The following PLCH2 variants were observed in gnomAD, a reference collection of about 807,000 sequenced individuals.
PLCH2 encodes phospholipase C eta 2.
PLCH2 carries 98 observed loss-of-function variants against 134.7 expected under a neutral mutation model. That is an observed-to-expected ratio of 0.73 (90% CI 0.62 to 0.86). PLCH2 has a LOEUF of 0.86. PLCH2 is among the 40% of genes least tolerant of loss of function. PLCH2 has a pLI of 0.00. For synonymous variants in PLCH2, 974 were observed against 827.5 expected (o/e 1.18, Z -3.04); for missense variants, 1,994 against 1,986.6 (o/e 1.00, Z -0.07).
chr1:2,454,928 A>C (rs2100567421), intron 2 of PLCH2, among the ~76,000 whole-genome samples: 1 of 151,994 alleles, frequency 6.6e-6, no homozygotes, highest in Middle Eastern at 3.4e-3. Flanking sequence ...AGTGTGCGTC[A>C]CCCCCAGAAA....
chr1:2,425,958 G>C (rs1355808112), upstream of PLCH2: 1 of 152,222 alleles, frequency 6.6e-6, no homozygotes, highest in African/African-American at 2.4e-5. Context: ...CCCGTCGCTC[G>C]AGAGCCTCCT....
chr1:2,485,974 C>T (rs530432132), intron 5 of PLCH2, among the ~76,000 whole-genome samples: 1 of 152,294 alleles, frequency 6.6e-6, no homozygotes, highest in East Asian at 1.9e-4. Context: ...GTCCTGCAGG[C>T]ATGACACCCG....
chr1:2,499,018 C>T, intron 18 of PLCH2, 66 bp from the exon 19 acceptor site: 1 of 1,548,748 alleles, frequency 6.5e-7, no homozygotes, highest in African/African-American at 1.4e-5. Context: ...GCCGGGGGCT[C>T]CAGGCTGGAG....
rs917254365 is a variant in PLCH2, at chr1:2,498,746, C to G, written c.2352C>G (p.Ile784Met). The change falls in exon 18 of 22, where the codon ATC (isoleucine) becomes ATG (methionine). Residue 784 changes from isoleucine (I) to methionine (M), a missense_variant and splice_region_variant. Physicochemically the swap from Ile to Met is conservative, Grantham distance 10. Transcript: ENST00000378486. This position sits in a 1 kb window ranked among gnomAD's most constrained non-coding sequence, Gnocchi z 5.4. ...CCACCCCCACTCCTGTGTCCCAGAT[C>G]ATCGACCCCTTTGTGGAGGTGGAGA... ...RDSMLGDRGE[I>M]IDPFVEVEII... 4 of 1,608,832 alleles carry G rather than the reference C, an allele frequency of 2.5e-6. No individual in the cohort carries two copies. The East Asian group carries it at 8.9e-5, about 36-fold the overall frequency.
intron 2 of PLCH2, among the ~76,000 whole-genome samples, chr1:2,442,449 C>T (rs1215711423): frequency 6.6e-6 from 1 of 152,242 alleles, no homozygotes; most frequent in Non-Finnish European, 1.5e-5. Flanking sequence ...CCCCTGGCCT[C>T]CTCCCTGGCT....
intron 2 of PLCH2, among the ~76,000 whole-genome samples, chr1:2,443,506 C>T (rs1310566809): frequency 6.6e-6 from 1 of 151,950 alleles, no homozygotes; most frequent in East Asian, 1.9e-4. Flanking sequence ...CGGAGGGAGG[C>T]GGAGGGGGAG....
chr1:2,439,674 C>T lies in PLCH2; in HGVS notation c.115+9045C>T, dbSNP rs950959600. Among the ~76,000 whole-genome samples, 17 of 152,186 alleles carry T rather than the reference C, an allele frequency of 1.1e-4. No individual in the cohort carries two copies. The highest frequency in any genetic ancestry group is 5.9e-5 in the Non-Finnish European group (4 of 68,038). ...CTGCAGAAGGGCCTCTGAGACCTCC[C>T]GCCCAGGTCTCTGGCCCTGAGCCAT... On this transcript the variant is annotated intron_variant, in intron 2 of 3. Transcript: ENST00000609981. This position sits in a 1 kb window ranked among gnomAD's most constrained non-coding sequence, Gnocchi z 4.7.
At chr1:2,436,268 C>T (rs1639353395) in intron 2 of PLCH2, among the ~76,000 whole-genome samples, 1 of 81,840 alleles carries the variant, frequency 1.2e-5, no homozygotes, top group Admixed American at 1.1e-4. Context: ...CCCTCCTCCT[C>T]CTTTCCTCCT....
At chr1:2,479,682 G>A in intron 2 of PLCH2, 52 bp from the exon 3 acceptor site, 1 of 1,500,544 alleles carries the variant, frequency 6.7e-7, no homozygotes, top group Non-Finnish European at 9.0e-7. Context: ...CTGCCAGCAG[G>A]GGGACGCTGG....
upstream of PLCH2, among the ~76,000 whole-genome samples, chr1:2,462,970 G>A (rs1640894116): frequency 6.6e-6 from 1 of 152,196 alleles, no homozygotes; most frequent in African/African-American, 2.4e-5. Context: ...AAGCAACACG[G>A]AATTCGCTTT....
Position 2,439,479 on chromosome 1 carries a change from G to A in PLCH2, c.115+8850G>A, listed in dbSNP as rs371166115. On this transcript the variant is annotated intron_variant, in intron 2 of 3. Transcript: ENST00000609981. The surrounding 1 kb of genome is among the most constrained non-coding windows in gnomAD (Gnocchi z 4.7). Reference sequence around the variant, plus strand: ...CTTGAGTTCTGATTGAGAACGGGACGTCTTCAGACCAGATGCTGGTGGAAA... The same window carrying A: ...CTTGAGTTCTGATTGAGAACGGGACATCTTCAGACCAGATGCTGGTGGAAA... Among the ~76,000 whole-genome samples the A allele has an allele frequency of 2.6e-5, 4 of 152,370 alleles. No homozygotes were observed. The highest frequency in any genetic ancestry group is 2.1e-4 in the South Asian group (1 of 4,832).
chr1:2,439,738 A>G lies in PLCH2; in HGVS notation c.115+9109A>G, dbSNP rs902551789. 6.6e-6 allele frequency among the ~76,000 whole-genome samples: 1 copy of G among 151,976 alleles called. No homozygotes were observed. Among genetic ancestry groups the G allele is most frequent in the Non-Finnish European group, 1.5e-5 (1 of 67,988 alleles). On this transcript the variant is annotated intron_variant, in intron 2 of 3. Transcript: ENST00000609981. The surrounding 1 kb of genome is among the most constrained non-coding windows in gnomAD (Gnocchi z 4.7). ...GCTGACACTGCCACCCTCGGGGGAG[A>G]GTCCCGGGGTCCGTGGGGAGAGCCC...
In PLCH2 at chr1:2,499,651, C is replaced by T. The variant is rs374408555; in HGVS notation, c.2592C>T (p.His864=). ...AFSSMMPGYR[H]VYLEGMEEAS... Reference sequence around the variant, plus strand: ...CCCACACTGCTCCAGGCTACAGACACGTGTACCTAGAAGGGATGGAAGAGG... The same window carrying T: ...CCCACACTGCTCCAGGCTACAGACATGTGTACCTAGAAGGGATGGAAGAGG... Residue 864 remains histidine, a synonymous_variant, in exon 20 of 22, where the codon CAC becomes CAT. Coordinates refer to ENST00000378486, the MANE Select transcript of PLCH2 (RefSeq NM_014638.4). 2.2e-5 allele frequency: 36 copies of T among 1,601,118 alleles called. No homozygotes were observed. The highest frequency in any genetic ancestry group is 3.1e-5 in the Non-Finnish European group (36 of 1,174,240).
At chr1:2,428,345 G>A (rs933192128) in intron 1 of PLCH2, among the ~76,000 whole-genome samples, 1 of 152,210 alleles carries the variant, frequency 6.6e-6, no homozygotes, top group Non-Finnish European at 1.5e-5. Flanking sequence ...GTGCTCCTCT[G>A]ACCTGTAGGC....
rs1326284804 is a variant in PLCH2 at position 2,487,730 on chromosome 1, G to C, written c.1235+12G>C. 6.2e-7 allele frequency: 1 copy of C among 1,611,178 alleles called. No individual in the cohort carries two copies. On this transcript the variant is annotated intron_variant, in intron 8 of 21. Coordinates refer to ENST00000378486, the MANE Select transcript of PLCH2 (RefSeq NM_014638.4). ...TTCATCAAGAATGAGTGAGTGGCTG[G>C]GCCTAGCGGGGCTGGCCCCAGAGGT...
At chr1:2,459,378 C>T (rs369688747) in intron 2 of PLCH2, among the ~76,000 whole-genome samples, 56 of 129,676 alleles carry the variant, frequency 4.3e-4, no homozygotes, top group East Asian at 2.3e-3. Context: ...TCCTCCTTGC[C>T]GGTGGTCCTC....
chr1:2,482,817 G>A (rs1642046824), intron 4 of PLCH2, among the ~76,000 whole-genome samples: 1 of 152,206 alleles, frequency 6.6e-6, no homozygotes, highest in Admixed American at 6.5e-5. Flanking sequence ...ATGGTGCCGA[G>A]CCGGCCCTGG....
intron 1 of PLCH2, among the ~76,000 whole-genome samples, chr1:2,469,738 C>T (rs995048111): frequency 6.6e-6 from 1 of 152,224 alleles, no homozygotes; most frequent in Admixed American, 6.5e-5. Context: ...GGGCTCCCAC[C>T]GGCTGGACGG....
At chr1:2,441,277 G>A (rs1166954120) in intron 2 of PLCH2, among the ~76,000 whole-genome samples, 2 of 152,206 alleles carry the variant, frequency 1.3e-5, no homozygotes, top group African/African-American at 2.4e-5. Flanking sequence ...GAAGAGGCGC[G>A]GGCACCACAC....
Sources: allele counts gnomAD v4.1 joint callset (sites outside exome capture counted in the v4.1 genomes callset), GRCh38; gene constraint gnomAD v4.1.1; non-coding constraint Gnocchi (gnomAD v3.1); transcripts MANE v1.5; gene names NCBI Gene and HGNC (gene_info 2026-07-23, HGNC 2026-07-21).